Variants in SLC8A1 observed in about 807,000 individuals in gnomAD.
SLC8A1 encodes solute carrier family 8 member A1, also known as sodium/calcium exchanger 1.
SLC8A1 carries 18 observed loss-of-function variants against 68.3 expected under a neutral mutation model. That is an observed-to-expected ratio of 0.26 (90% CI 0.18 to 0.39). SLC8A1 has a LOEUF of 0.39. Among genes scored for constraint, SLC8A1 ranks in the 10% least tolerant of loss-of-function variants. The probability of loss-of-function intolerance (pLI) is 1.00; values close to 1 mark genes in which losing one functional copy is unlikely to be tolerated. For missense variants in SLC8A1, 985 were observed against 1,156.7 expected (o/e 0.85, Z 2.15); for synonymous variants, 475 against 415.5 (o/e 1.14, Z -1.74).
chr2:40,214,895 G>GT (rs2057215406), intron 2 of SLC8A1, among the ~76,000 whole-genome samples: 1 of 152,062 alleles, frequency 6.6e-6, no homozygotes, highest in South Asian at 2.1e-4. Flanking sequence ...AACTACCTTA[G>GT]TTTTTTACTC....
At chr2:40,164,555 T>G (rs2046228725) in intron 5 of SLC8A1, among the ~76,000 whole-genome samples, 3 of 152,180 alleles carry the variant, frequency 2.0e-5, no homozygotes, top group African/African-American at 7.2e-5. Context: ...GGATTCACCT[T>G]TGCATGTTCC....
chr2:40,505,294 G>A (rs1282515393), intron 1 of SLC8A1, among the ~76,000 whole-genome samples: 1 of 151,842 alleles, frequency 6.6e-6, no homozygotes, highest in African/African-American at 2.4e-5. Context: ...CAGGGTGACT[G>A]TAGTCAATAA....
intron 2 of SLC8A1, among the ~76,000 whole-genome samples, chr2:40,304,868 C>T (rs1332171441): frequency 6.6e-6 from 1 of 152,164 alleles, no homozygotes; most frequent in Non-Finnish European, 1.5e-5. Context: ...AATCCCTTTG[C>T]CTATTTTTGT....
chr2:40,245,671 TA>T (rs2061771301), intron 2 of SLC8A1, among the ~76,000 whole-genome samples: 1 of 152,160 alleles, frequency 6.6e-6, no homozygotes, highest in Non-Finnish European at 1.5e-5. Flanking sequence ...TTATATTACT[TA>T]AAAAGTCAAA....
At chr2:40,488,165 T>A (rs1041802533) in intron 1 of SLC8A1, among the ~76,000 whole-genome samples, 1 of 149,414 alleles carries the variant, frequency 6.7e-6, no homozygotes, top group African/African-American at 2.5e-5. Flanking sequence ...TTTCACAAGA[T>A]GAGATAAACT....
intron 1 of SLC8A1, among the ~76,000 whole-genome samples, chr2:40,506,382 T>A (rs1197356338): frequency 6.6e-6 from 1 of 151,964 alleles, no homozygotes; most frequent in South Asian, 2.1e-4. Flanking sequence ...GTTATCTATT[T>A]AGTCTGTGTT....
chr2:40,440,948 G>T (rs943024687), intron 1 of SLC8A1, among the ~76,000 whole-genome samples: 1 of 151,542 alleles, frequency 6.6e-6, no homozygotes, highest in African/African-American at 2.4e-5. Flanking sequence ...GCAAGAGAAA[G>T]AAAAAAAGGG....
chr2:40,395,554 G>A (rs910452348), intron 2 of SLC8A1, among the ~76,000 whole-genome samples: 5 of 152,154 alleles, frequency 3.3e-5, no homozygotes, highest in Non-Finnish European at 7.4e-5. Flanking sequence ...CACCTACTTG[G>A]ATGAGAGCAT....
At chr2:40,296,483 T>C (rs1292677240) in intron 2 of SLC8A1, among the ~76,000 whole-genome samples, 6 of 152,190 alleles carry the variant, frequency 3.9e-5, no homozygotes, top group Non-Finnish European at 7.3e-5. Context: ...CATAGGGAAC[T>C]GGGCATAATT....
chr2:40,405,654 G>T (rs1206608189), intron 2 of SLC8A1, among the ~76,000 whole-genome samples: 2 of 152,144 alleles, frequency 1.3e-5, no homozygotes, highest in African/African-American at 2.4e-5. Flanking sequence ...TTTTAGAAAT[G>T]TTAGAATGGG....
chr2:40,376,389 C>T (rs1303073209), intron 2 of SLC8A1, among the ~76,000 whole-genome samples: 4 of 152,220 alleles, frequency 2.6e-5, no homozygotes, highest in East Asian at 1.9e-4. Flanking sequence ...CACTATCAAA[C>T]GTTCTGTTCT....
intron 2 of SLC8A1, among the ~76,000 whole-genome samples, chr2:40,180,472 TCA>T (rs1313987997): frequency 2.0e-5 from 3 of 152,224 alleles, no homozygotes; most frequent in Admixed American, 1.3e-4. Context: ...AATTTCCATC[TCA>T]CAGTCTTGCA....
chr2:40,212,329 G>A (rs1413100188), intron 2 of SLC8A1, among the ~76,000 whole-genome samples: 1 of 137,578 alleles, frequency 7.3e-6, no homozygotes, highest in African/African-American at 2.8e-5. Context: ...TTTGTCGACA[G>A]GCTGGAATGC....
chr2:40,274,953 C>T (rs540885641), intron 2 of SLC8A1, among the ~76,000 whole-genome samples: 2 of 152,122 alleles, frequency 1.3e-5, no homozygotes, highest in East Asian at 1.9e-4. Flanking sequence ...GCACAGACTG[C>T]CCATTTCCTA....
At chr2:40,167,391 A>G (rs1183210088) in intron 4 of SLC8A1, among the ~76,000 whole-genome samples, 2 of 152,210 alleles carry the variant, frequency 1.3e-5, no homozygotes, top group African/African-American at 4.8e-5. Context: ...AAACGATACT[A>G]GTTTTCCTGT....
intron 2 of SLC8A1, among the ~76,000 whole-genome samples, chr2:40,207,171 T>C (rs1193483194): frequency 6.6e-6 from 1 of 152,070 alleles, no homozygotes; most frequent in African/African-American, 2.4e-5. Context: ...AAAATAATGG[T>C]ATATACAATC....
chr2:40,115,665 T>C lies in SLC8A1; in HGVS notation c.2438-36A>G, dbSNP rs1420865671. ...AGAAGAGAAAGTCAATGACACTCAA[T>C]CTTTTAGAGATGTCTTTGGAGTGCT... On this transcript the variant is annotated intron_variant, in intron 7 of 7. Transcript: ENST00000406785. 6 of 1,578,652 alleles carry C rather than the reference T, an allele frequency of 3.8e-6. No individual in the cohort carries two copies. The African/African-American group carries it at 4.0e-5, about 11-fold the overall frequency.
At chr2:40,233,245 T>A (rs921987356) in intron 2 of SLC8A1, among the ~76,000 whole-genome samples, 35 of 152,318 alleles carry the variant, frequency 2.3e-4, no homozygotes, top group African/African-American at 6.3e-4. Flanking sequence ...TTTCTCCACA[T>A]CCTCTCCAGC....
intron 2 of SLC8A1, among the ~76,000 whole-genome samples, chr2:40,421,240 C>G (rs1576355264): frequency 6.6e-6 from 1 of 152,126 alleles, no homozygotes; most frequent in South Asian, 2.1e-4. Context: ...TCCAAAATCA[C>G]CATCACCAAC....
Sources: gnomAD v4.1 joint callset for allele counts (sites outside exome capture counted in the v4.1 genomes callset) on GRCh38, gnomAD v4.1.1 for gene constraint, MANE v1.5 for transcripts, NCBI Gene and HGNC (gene_info 2026-07-23, HGNC 2026-07-21) for gene names.